ELMO1: variants seen among roughly 807,000 people sequenced by gnomAD.
The protein encoded by ELMO1 is engulfment and cell motility 1.
Under a neutral mutation model 98.9 loss-of-function variants are expected in ELMO1, and 26 were observed. The observed-to-expected ratio is 0.26, with a 90% CI of 0.19 to 0.36. The LOEUF is 0.36. ELMO1 is among the 10% of genes least tolerant of loss of function. The probability of loss-of-function intolerance (pLI) is 1.00; values close to 1 mark genes in which losing one functional copy is unlikely to be tolerated. For synonymous variants in ELMO1, 346 were observed against 346.0 expected, an observed-to-expected ratio of 1.00 and a Z score of 0.00; for missense variants, 627 against 935.2, an observed-to-expected ratio of 0.67 and a Z score of 4.30.
Position 36,890,993 on chromosome 7 carries a change from ACCCTTCTCCCAAATAC to A in ELMO1, c.1602-3337_1602-3322del, listed in dbSNP as rs559504413. The stretch of plus-strand genomic sequence containing the variant: ...CCTGGTGGTTCTCCCTGTCTGGAGT[ACCCTTCTCCCAAATAC>A]CCACATGGCCTGCTCCCTTAGTCCC... On this transcript the variant is annotated intron_variant, in intron 17 of 21. Transcript: ENST00000310758. Among the ~76,000 whole-genome samples the A allele has an allele frequency of 6.3e-3, 961 of 152,276 alleles. 7 individuals carry two copies. Among genetic ancestry groups the A allele is most frequent in the Non-Finnish European group, 0.011 (733 of 68,018 alleles).
At chr7:37,186,461 T>C (rs1791213206) in intron 13 of ELMO1, among the ~76,000 whole-genome samples, 1 of 152,062 alleles carries the variant, frequency 6.6e-6, no homozygotes, top group South Asian at 2.1e-4. Context: ...ACTAGATATA[T>C]ATCAAAATAA....
In ELMO1 at chr7:36,979,910, G is replaced by A. The variant is rs540420499; in HGVS notation, c.1437+33389C>T. Among the ~76,000 whole-genome samples, 6 of 152,292 alleles carry A rather than the reference G, an allele frequency of 3.9e-5. No homozygotes were observed. In the East Asian group the frequency reaches 5.8e-4, roughly 15 times the overall value. ...TTTCTTTCCAACCAGGCAAGTGGAC[G>A]TCAGAACTGCCCCAGATGCTATCTT... On this transcript the variant is annotated intron_variant, in intron 16 of 21. Coordinates refer to ENST00000310758, the MANE Select transcript of ELMO1 (RefSeq NM_014800.11).
chr7:37,271,202 G>C (rs1429414354), intron 5 of ELMO1: 1 of 152,674 alleles, frequency 6.5e-6, no homozygotes, highest in East Asian at 1.9e-4. Context: ...GCCTCCCAAA[G>C]TGCTGGGATT....
In ELMO1 at chr7:37,092,366, CTTTTTTTTTTTTTTTTTT is replaced by C. The variant is rs537388417; in HGVS notation, c.1300+4235_1300+4252del. 5.8e-4 allele frequency among the ~76,000 whole-genome samples: 40 copies of C among 68,916 alleles called. 1 individual carries two copies. Among genetic ancestry groups the C allele is most frequent in the African/African-American group, 1.6e-3 (36 of 21,970 alleles). 45.2% of individuals were successfully genotyped at this position (68,916 alleles called of 152,430 possible). A position where few individuals can be genotyped will look rare whatever the true frequency, so the allele number is the denominator to read the frequency against. On this transcript the variant is annotated intron_variant, in intron 15 of 21. Transcript: ENST00000310758. ...ACTTGCAAAAAAAATTACCCATATT[CTTTTTTTTTTTTTTTTTT>C]TTTTTTTTTTTGGAGACAGAGTCTC...
intron 16 of ELMO1, among the ~76,000 whole-genome samples, chr7:36,903,516 C>G (rs1423836036): frequency 6.6e-6 from 1 of 152,230 alleles, no homozygotes. Context: ...GAAATAGCCT[C>G]TAAAATCAGT....
At position 36,857,453 on chromosome 7, in the gene ELMO1, CA is replaced by C. The variant is rs1413655326; in HGVS notation, c.1984-1703del. Among the ~76,000 whole-genome samples the C allele has an allele frequency of 3.3e-5, 5 of 152,130 alleles. No individual in the cohort carries two copies. In the East Asian group the frequency reaches 9.6e-4, roughly 29 times the overall value. ...GCCCCTTCCAGCTTTCATGCTGTTT[CA>C]TGGTAAATCCCCAAGTCCTGGGGAT... On this transcript the variant is annotated intron_variant, in intron 21 of 21. Transcript: ENST00000310758.
At chr7:37,362,860 C>T (rs1243393547) in intron 1 of ELMO1, among the ~76,000 whole-genome samples, 1 of 152,192 alleles carries the variant, frequency 6.6e-6, no homozygotes, top group Non-Finnish European at 1.5e-5. Context: ...CACAGCCATA[C>T]ATATGACTCT....
At chr7:37,396,594 A>G (rs1326879642) in intron 1 of ELMO1, among the ~76,000 whole-genome samples, 1 of 152,224 alleles carries the variant, frequency 6.6e-6, no homozygotes, top group African/African-American at 2.4e-5. Flanking sequence ...AATCCTTTGC[A>G]TCACTGTCCA....
intron 14 of ELMO1, among the ~76,000 whole-genome samples, chr7:37,101,476 C>G (rs1784638237): frequency 6.6e-6 from 1 of 152,056 alleles, no homozygotes. Context: ...ATACTATGGT[C>G]TAAATAGGGG....
intron 4 of ELMO1, among the ~76,000 whole-genome samples, chr7:37,309,062 A>T (rs1798764179): frequency 6.6e-6 from 1 of 152,170 alleles, no homozygotes; most frequent in African/African-American, 2.4e-5. Context: ...CAAAGGGAAA[A>T]GCAGTGTATT....
intron 6 of ELMO1, among the ~76,000 whole-genome samples, chr7:37,246,814 AT>A (rs200945835): frequency 0.012 from 1,888 of 152,082 alleles, 18 homozygotes; most frequent in South Asian, 0.023. Flanking sequence ...ATAGATAGAT[AT>A]CTATCTATAT....
intron 4 of ELMO1, among the ~76,000 whole-genome samples, chr7:37,278,908 G>C (rs1416851251): frequency 1.3e-5 from 2 of 152,158 alleles, no homozygotes; most frequent in Non-Finnish European, 2.9e-5. Flanking sequence ...TGACGTATGA[G>C]AGTGTGTGAG....
chr7:37,428,030 GGTGTGTGT>G (rs10681558), intron 1 of ELMO1, among the ~76,000 whole-genome samples: 6 of 149,786 alleles, frequency 4.0e-5, no homozygotes, highest in Admixed American at 2.0e-4. Context: ...GTATGCTTGG[GGTGTGTGT>G]GTGTGTGTGT....
chr7:37,311,291 C>A (rs377522001), intron 4 of ELMO1, among the ~76,000 whole-genome samples: 7 of 152,038 alleles, frequency 4.6e-5, no homozygotes, highest in African/African-American at 1.7e-4. Context: ...CATCCATCAA[C>A]CACTATTTCT....
At chr7:36,991,164 A>G (rs771646771) in intron 16 of ELMO1, among the ~76,000 whole-genome samples, 1 of 152,220 alleles carries the variant, frequency 6.6e-6, no homozygotes, top group Non-Finnish European at 1.5e-5. Flanking sequence ...CAGGGTACTT[A>G]GCCTCATGAA....
At chr7:37,113,628 G>GCC (rs1785384379) in intron 14 of ELMO1, among the ~76,000 whole-genome samples, 1 of 152,248 alleles carries the variant, frequency 6.6e-6, no homozygotes, top group African/African-American at 2.4e-5. Context: ...GGCCAACAAG[G>GCC]GTGCTATGGA....
chr7:37,444,189 T>C lies in ELMO1; in HGVS notation c.-74+4486A>G, dbSNP rs149130636. On this transcript the variant is annotated intron_variant, in intron 1 of 21. Transcript: ENST00000310758. ...AGGTCAGCTAAAATGCTTCACCTAATCATGCATCCCAGCAGTGTGGCTGCC... is the reference window on the plus strand; with the variant it reads ...AGGTCAGCTAAAATGCTTCACCTAACCATGCATCCCAGCAGTGTGGCTGCC... Among the ~76,000 whole-genome samples, 698 of 152,332 alleles carry C rather than the reference T, an allele frequency of 4.6e-3. 4 individuals are homozygous for C. The highest frequency in any genetic ancestry group is 7.3e-3 in the Non-Finnish European group (496 of 68,020).
chr7:37,445,152 A>G (rs561143833), intron 1 of ELMO1, among the ~76,000 whole-genome samples: 1 of 152,322 alleles, frequency 6.6e-6, no homozygotes, highest in Admixed American at 6.5e-5. Context: ...GGCCTACTAA[A>G]GTGATATCAT....
intron 2 of ELMO1, among the ~76,000 whole-genome samples, chr7:37,320,365 C>T (rs1799417689): frequency 6.6e-6 from 1 of 151,978 alleles, no homozygotes; most frequent in African/African-American, 2.4e-5. Context: ...CTATTCTGTA[C>T]ACGTTCCCCA....
Sources: gnomAD v4.1 joint callset for allele counts (sites outside exome capture counted in the v4.1 genomes callset) on GRCh38, gnomAD v4.1.1 for gene constraint, MANE v1.5 for transcripts, NCBI Gene and HGNC (gene_info 2026-07-23, HGNC 2026-07-21) for gene names.